Variants in TBCEL observed in about 807,000 individuals in gnomAD.
TBCEL encodes tubulin folding cofactor E like, also known as tubulin-specific chaperone cofactor E-like protein.
In TBCEL, 15 loss-of-function variants were observed where a neutral mutation model predicts 44.2. That is an observed-to-expected ratio of 0.34 (90% CI 0.23 to 0.52). TBCEL has a LOEUF of 0.52. TBCEL is among the 20% of genes least tolerant of loss of function. The pLI is 0.95. For missense variants in TBCEL, 319 were observed against 506.3 expected, an observed-to-expected ratio of 0.63 and a Z score of 3.55; for synonymous variants, 171 against 185.4, an observed-to-expected ratio of 0.92 and a Z score of 0.63.
chr11:121,050,006 G>A (rs776263367), intron 4 of TBCEL, among the ~76,000 whole-genome samples: 1 of 151,590 alleles, frequency 6.6e-6, no homozygotes, highest in Non-Finnish European at 1.5e-5. Context: ...GTAAATATTT[G>A]TTGCTGCTAC....
chr11:121,084,717 T>A (rs1156440883), intron 8 of TBCEL, among the ~76,000 whole-genome samples: 2 of 152,148 alleles, frequency 1.3e-5, no homozygotes, highest in Non-Finnish European at 2.9e-5. Flanking sequence ...GTAAAACATC[T>A]CTAGAGTTGG....
chr11:121,038,379 T>A (rs1419455208), intron 2 of TBCEL, among the ~76,000 whole-genome samples: 1 of 152,324 alleles, frequency 6.6e-6, no homozygotes, highest in South Asian at 2.1e-4. Context: ...ACATATGCTT[T>A]TCCAGAATAA....
intron 2 of TBCEL, among the ~76,000 whole-genome samples, chr11:121,039,187 A>C (rs1057324444): frequency 6.6e-6 from 1 of 152,220 alleles, no homozygotes; most frequent in East Asian, 1.9e-4. Context: ...ATGTTTTAGC[A>C]GTACAGCTGA....
At chr11:121,072,050 G>T (rs183717255) in intron 8 of TBCEL, among the ~76,000 whole-genome samples, 8 of 152,098 alleles carry the variant, frequency 5.3e-5, no homozygotes, top group Non-Finnish European at 7.4e-5. Flanking sequence ...ATTCTCCTTC[G>T]TGCACCATGG....
chr11:121,053,124 C>G (rs1307369901), intron 4 of TBCEL, among the ~76,000 whole-genome samples: 1 of 151,698 alleles, frequency 6.6e-6, no homozygotes, highest in South Asian at 2.1e-4. Context: ...GAATTTTAAC[C>G]TTTAATTAGC....
chr11:121,024,933 C>T (rs1044079705), intron 1 of TBCEL, among the ~76,000 whole-genome samples: 6 of 152,116 alleles, frequency 3.9e-5, no homozygotes, highest in African/African-American at 1.4e-4. Context: ...AGGCGGGTGC[C>T]TTGTCGTGGG....
chr11:121,064,731 T>G (rs1465021135), intron 8 of TBCEL, among the ~76,000 whole-genome samples: 1 of 152,210 alleles, frequency 6.6e-6, no homozygotes, highest in African/African-American at 2.4e-5. Flanking sequence ...AGGAAATGTC[T>G]TCTGGGTCCT....
At chr11:121,084,256 A>G (rs1946176215) in intron 8 of TBCEL, among the ~76,000 whole-genome samples, 2 of 152,038 alleles carry the variant, frequency 1.3e-5, no homozygotes. Flanking sequence ...TTTCTGATTC[A>G]TTTATTTGGG....
Position 121,060,039 on chromosome 11 carries a change from T to G in TBCEL, c.910T>G (p.Phe304Val). Residue 304 changes from phenylalanine to valine, a missense_variant, in exon 8 of 9, where the codon TTT becomes GTT. Transcript: ENST00000683345. ...TGAACGAGAAGATTCTGAGAGATTT[T>G]TTATTCGTTACTATGTGGATGTTCC... is the stretch of plus-strand genomic sequence containing the variant. ...DGEREDSERF[F>V]IRYYVDVPQE... 1 of 1,611,840 alleles carries G rather than the reference T, an allele frequency of 6.2e-7. No individual in the cohort carries two copies. The highest frequency in any genetic ancestry group is 1.3e-5 in the African/African-American group (1 of 74,934).
rs142979229 is a variant in TBCEL at position 121,024,473 on chromosome 11, G to C, written c.-126+182G>C. Among the ~76,000 whole-genome samples, 91 of 151,976 alleles carry C rather than the reference G, an allele frequency of 6.0e-4. 1 individual carries two copies. In the East Asian group the frequency reaches 0.018, roughly 30 times the overall value. On this transcript the variant is annotated intron_variant, in intron 1 of 8. Coordinates refer to ENST00000683345, the MANE Select transcript of TBCEL (RefSeq NM_001363644.2). Reference sequence around the variant, plus strand: ...GGATGGGAGACCTGCCCTGGGGCTAGAGGGAGGATGGGGCCTGCCTGGCCT... The same window carrying C: ...GGATGGGAGACCTGCCCTGGGGCTACAGGGAGGATGGGGCCTGCCTGGCCT...
At chr11:121,027,472 T>C (rs1277438274) in intron 1 of TBCEL, among the ~76,000 whole-genome samples, 1 of 152,204 alleles carries the variant, frequency 6.6e-6, no homozygotes, top group African/African-American at 2.4e-5. Flanking sequence ...GTACAGGCAC[T>C]GAATAAAGCC....
intron 8 of TBCEL, among the ~76,000 whole-genome samples, chr11:121,078,090 G>A (rs1236921214): frequency 6.6e-6 from 1 of 152,146 alleles, no homozygotes; most frequent in East Asian, 1.9e-4. Flanking sequence ...AGAAAAAAAT[G>A]TGTATTCTGA....
intron 1 of TBCEL, chr11:121,035,398 A>G (rs190664291): frequency 5.3e-5 from 8 of 151,902 alleles, no homozygotes; most frequent in African/African-American, 1.7e-4. Flanking sequence ...ACCAGTACTT[A>G]CTACCATTGG....
At chr11:121,025,031 G>A (rs1406930450) in intron 1 of TBCEL, among the ~76,000 whole-genome samples, 3 of 152,192 alleles carry the variant, frequency 2.0e-5, no homozygotes, top group African/African-American at 7.2e-5. Flanking sequence ...TTGGTGAAGA[G>A]AGGAGATTTA....
chr11:121,082,794 G>T (rs1447895374), intron 8 of TBCEL, among the ~76,000 whole-genome samples: 1 of 152,186 alleles, frequency 6.6e-6, no homozygotes, highest in Non-Finnish European at 1.5e-5. Context: ...CCATGGAACT[G>T]GCCCACCAAG....
chr11:121,031,786 T>G (rs1345450989), intron 1 of TBCEL, among the ~76,000 whole-genome samples: 1 of 145,060 alleles, frequency 6.9e-6, no homozygotes, highest in Admixed American at 7.0e-5. Flanking sequence ...CACCTCAACC[T>G]CCCAAGTATC....
chr11:121,056,766 A>T (rs1945629043), intron 6 of TBCEL, among the ~76,000 whole-genome samples: 1 of 151,828 alleles, frequency 6.6e-6, no homozygotes, highest in Non-Finnish European at 1.5e-5. Context: ...GTTTGCTATC[A>T]GTATGTCTTC....
chr11:121,046,610 C>G (rs1054289078), intron 3 of TBCEL, among the ~76,000 whole-genome samples: 21 of 151,924 alleles, frequency 1.4e-4, no homozygotes, highest in African/African-American at 5.1e-4. Context: ...GGGATCCATT[C>G]CCACTGTGAT....
intron 8 of TBCEL, among the ~76,000 whole-genome samples, chr11:121,061,733 C>A (rs1417773671): frequency 6.6e-6 from 1 of 152,022 alleles, no homozygotes; most frequent in East Asian, 1.9e-4. Flanking sequence ...AGGGTACTTA[C>A]CACGAAAATC....
Sources: gnomAD v4.1 joint callset for allele counts (sites outside exome capture counted in the v4.1 genomes callset) on GRCh38, gnomAD v4.1.1 for gene constraint, MANE v1.5 for transcripts, NCBI Gene and HGNC (gene_info 2026-07-23, HGNC 2026-07-21) for gene names.